The following CNTNAP2 variants were observed in gnomAD, a reference collection of about 807,000 sequenced individuals.
CNTNAP2 encodes contactin associated protein 2.
In CNTNAP2, 98 loss-of-function variants were observed where a neutral mutation model predicts 155.2. The observed-to-expected ratio is 0.63, with a 90% CI of 0.54 to 0.75. The LOEUF is 0.75. Among genes scored for constraint, CNTNAP2 ranks in the 30% least tolerant of loss-of-function variants. The pLI is 0.00. For missense variants in CNTNAP2, 1,727 were observed against 1,688.1 expected (o/e 1.02, Z -0.40); for synonymous variants, 651 against 631.2 (o/e 1.03, Z -0.47).
At chr7:148,057,950 CTTATTATTATTA>C (rs60012733) in intron 15 of CNTNAP2, among the ~76,000 whole-genome samples, 164 of 142,740 alleles carry the variant, frequency 1.1e-3, no homozygotes, top group Middle Eastern at 7.2e-3. Flanking sequence ...CAGCTTCCAG[CTTATTATTATTA>C]TTATTATTAT....
intron 1 of CNTNAP2, among the ~76,000 whole-genome samples, chr7:146,354,535 C>T (rs1794970032): frequency 6.6e-6 from 1 of 151,882 alleles, no homozygotes; most frequent in South Asian, 2.1e-4. Flanking sequence ...TTGCCTCAGC[C>T]TCCCTAGTAG....
chr7:146,531,619 G>A (rs982062778), intron 1 of CNTNAP2, among the ~76,000 whole-genome samples: 1 of 152,068 alleles, frequency 6.6e-6, no homozygotes, highest in Admixed American at 6.6e-5. Context: ...GATCAAGGCT[G>A]ACTGCAACCT....
intron 11 of CNTNAP2, among the ~76,000 whole-genome samples, chr7:147,544,062 T>C (rs1329535791): frequency 6.6e-6 from 1 of 152,170 alleles, no homozygotes; most frequent in Non-Finnish European, 1.5e-5. Context: ...ATATAAGTGT[T>C]TCCAAACTGG....
intron 1 of CNTNAP2, among the ~76,000 whole-genome samples, chr7:146,131,575 G>T (rs1797713623): frequency 1.3e-5 from 2 of 152,146 alleles, no homozygotes; most frequent in African/African-American, 4.8e-5. Context: ...GATTGTTTCA[G>T]AACTTCAATA....
chr7:146,525,582 A>G lies in CNTNAP2; in HGVS notation c.98-248689A>G, dbSNP rs953166472. Among the ~76,000 whole-genome samples, 3 of 135,346 alleles carry G rather than the reference A, an allele frequency of 2.2e-5. No individual in the cohort carries two copies. The South Asian group carries it at 6.8e-4, about 30-fold the overall frequency. The allele number at this position is 135,346 out of a possible 152,430, so 88.8% of individuals were successfully genotyped here. A position where few individuals can be genotyped will look rare whatever the true frequency, so the allele number is the denominator to read the frequency against. ...TATCTATCTATCTATCTATCTCTCT[A>G]TCTATCATCTATCTATCATCTTGAT... On this transcript the variant is annotated intron_variant, in intron 1 of 23. Coordinates refer to ENST00000361727, the MANE Select transcript of CNTNAP2 (RefSeq NM_014141.6).
intron 9 of CNTNAP2, among the ~76,000 whole-genome samples, chr7:147,350,723 C>T (rs1795954278): frequency 6.6e-6 from 1 of 151,960 alleles, no homozygotes; most frequent in Admixed American, 6.6e-5. Context: ...ATACTGCAGA[C>T]ATCAGACTTA....
intron 1 of CNTNAP2, among the ~76,000 whole-genome samples, chr7:146,532,136 G>A (rs1015875179): frequency 6.6e-6 from 1 of 151,884 alleles, no homozygotes; most frequent in Non-Finnish European, 1.5e-5. Context: ...TTTACAATGA[G>A]GAGAGAAATG....
intron 1 of CNTNAP2, among the ~76,000 whole-genome samples, chr7:146,247,989 G>A (rs1013147187): frequency 2.0e-5 from 3 of 151,460 alleles, no homozygotes; most frequent in African/African-American, 7.3e-5. Flanking sequence ...AGATATAAGA[G>A]GTTGGGGCAC....
intron 8 of CNTNAP2, among the ~76,000 whole-genome samples, chr7:147,137,897 ATAGATAGATAGATAGATAGG>A (rs1407984825): frequency 9.2e-5 from 12 of 130,388 alleles, no homozygotes; most frequent in African/African-American, 2.6e-4. Context: ...AGATAGATAG[ATAGATAGATAGATAGATAGG>A]TAGATAGATA....
intron 15 of CNTNAP2, among the ~76,000 whole-genome samples, chr7:148,025,341 A>G (rs1585084140): frequency 6.6e-6 from 1 of 152,178 alleles, no homozygotes; most frequent in Non-Finnish European, 1.5e-5. Flanking sequence ...ACCTTCATCC[A>G]GATACTGACT....
At chr7:146,667,848 G>T (rs183185580) in intron 1 of CNTNAP2, among the ~76,000 whole-genome samples, 235 of 151,934 alleles carry the variant, frequency 1.5e-3, no homozygotes, top group African/African-American at 5.4e-3. Context: ...TACTGAATTG[G>T]TTTATCAGCT....
At position 147,733,884 on chromosome 7, in the gene CNTNAP2, G is replaced by C. The variant is rs550559019; in HGVS notation, c.2098+94578G>C. Among the ~76,000 whole-genome samples the C allele has an allele frequency of 2.6e-4, 39 of 152,302 alleles. 1 individual carries two copies. The highest frequency in any genetic ancestry group is 8.2e-4 in the African/African-American group (34 of 41,568). On this transcript the variant is annotated intron_variant, in intron 13 of 23. Transcript: ENST00000361727. ...TGATTTTGTATCCTGAGACTTTGCT[G>C]AAATTGCTTATCAGCTTAAGGAGAT...
At chr7:146,823,854 A>G (rs1803346317) in intron 2 of CNTNAP2, among the ~76,000 whole-genome samples, 1 of 152,018 alleles carries the variant, frequency 6.6e-6, no homozygotes, top group South Asian at 2.1e-4. Flanking sequence ...CCCGTATTCT[A>G]TAATGTCACA....
At chr7:146,559,797 G>A (rs1464100519) in intron 1 of CNTNAP2, among the ~76,000 whole-genome samples, 1 of 151,910 alleles carries the variant, frequency 6.6e-6, no homozygotes, top group Non-Finnish European at 1.5e-5. Flanking sequence ...ACTTCATTTT[G>A]CTTTGGATAA....
intron 1 of CNTNAP2, among the ~76,000 whole-genome samples, chr7:146,639,387 A>G (rs1387607027): frequency 6.6e-6 from 1 of 152,210 alleles, no homozygotes; most frequent in Non-Finnish European, 1.5e-5. Context: ...GCCACATCCT[A>G]TGCATTCTAA....
In CNTNAP2 at chr7:146,676,157, CAT is replaced by C. The variant is rs2129168990; in HGVS notation, c.98-98112_98-98111del. Among the ~76,000 whole-genome samples, 2 of 152,112 alleles carry C rather than the reference CAT, an allele frequency of 1.3e-5. 1 individual carries two copies. Among genetic ancestry groups the C allele is most frequent in the South Asian group, 4.1e-4 (2 of 4,820 alleles). Reference sequence around the variant, plus strand: ...TTCTTCATAAATATGAAATGTATATCATAAATCAGTTTGTTTATGATATACAT... The same window carrying C: ...TTCTTCATAAATATGAAATGTATATCAAATCAGTTTGTTTATGATATACAT... On this transcript the variant is annotated intron_variant, in intron 1 of 23. Coordinates refer to ENST00000361727, the MANE Select transcript of CNTNAP2 (RefSeq NM_014141.6).
chr7:146,842,677 G>T (rs978066673), intron 3 of CNTNAP2, among the ~76,000 whole-genome samples: 1 of 151,962 alleles, frequency 6.6e-6, no homozygotes, highest in African/African-American at 2.4e-5. Context: ...AAGAGACGGG[G>T]GTGTCACATA....
chr7:147,716,156 G>A (rs907088779), intron 13 of CNTNAP2, among the ~76,000 whole-genome samples: 1 of 152,060 alleles, frequency 6.6e-6, no homozygotes, highest in Non-Finnish European at 1.5e-5. Context: ...CCTACTACTT[G>A]GCTGTCCTTT....
chr7:147,363,052 G>A (rs957113807), intron 9 of CNTNAP2, among the ~76,000 whole-genome samples: 1 of 152,118 alleles, frequency 6.6e-6, no homozygotes, highest in African/African-American at 2.4e-5. Context: ...CACCTCCAAT[G>A]GGTCAGTGGG....
Sources: gnomAD v4.1 joint callset for allele counts (sites outside exome capture counted in the v4.1 genomes callset) on GRCh38, gnomAD v4.1.1 for gene constraint, MANE v1.5 for transcripts, NCBI Gene and HGNC (gene_info 2026-07-23, HGNC 2026-07-21) for gene names.